CDH4: variants seen among roughly 807,000 people sequenced by gnomAD.
CDH4 encodes cadherin-4.
In CDH4, 33 loss-of-function variants were observed where a neutral mutation model predicts 86.0. The ratio of observed to expected loss-of-function variants is 0.38; its 90% CI spans 0.29 to 0.51. CDH4 has a LOEUF of 0.51. Ranked by LOEUF, CDH4 falls within the 20% of genes least tolerant of loss-of-function variation. The probability of loss-of-function intolerance (pLI) is 0.86; values close to 1 mark genes in which losing one functional copy is unlikely to be tolerated. For missense variants in CDH4, 1,114 were observed against 1,307.4 expected (o/e 0.85, Z 2.28); for synonymous variants, 555 against 549.4 (o/e 1.01, Z -0.14).
intron 8 of CDH4, among the ~76,000 whole-genome samples, chr20:61,904,726 T>G (rs1171802631): frequency 3.3e-5 from 5 of 152,214 alleles, no homozygotes; most frequent in Non-Finnish European, 7.3e-5. Context: ...TCCCTCCCAC[T>G]GCCTCCCACG....
intron 2 of CDH4, among the ~76,000 whole-genome samples, chr20:61,404,683 G>T (rs888957742): frequency 6.6e-6 from 1 of 151,690 alleles, no homozygotes; most frequent in Non-Finnish European, 1.5e-5. Context: ...GAAACATCCC[G>T]AGGCTTCAGG....
In CDH4 at chr20:61,495,622, G is replaced by A. The variant is rs528291219; in HGVS notation, c.169+240685G>A. 7.2e-5 allele frequency among the ~76,000 whole-genome samples: 11 copies of A among 152,302 alleles called. 1 individual carries two copies. The South Asian group carries it at 2.3e-3, about 32-fold the overall frequency. On this transcript the variant is annotated intron_variant, in intron 2 of 15. Transcript: ENST00000614565. ...AAGAAGGTAAGAGAGTCCTGGGCAG[G>A]CCGGGCACTGTGGCTCATGCCTATA...
rs60370683 is a variant in CDH4, at chr20:61,903,540, T to TAAAAAAAA, written c.1189-6870_1189-6863dup. 3.3e-3 allele frequency among the ~76,000 whole-genome samples: 302 copies of TAAAAAAAA among 90,816 alleles called. 15 individuals carry two copies. Among genetic ancestry groups the TAAAAAAAA allele is most frequent in the African/African-American group, 7.8e-3 (165 of 21,112 alleles). The allele number at this position is 90,816 out of a possible 152,430, so 59.6% of individuals were successfully genotyped here. On this transcript the variant is annotated intron_variant, in intron 8 of 15. Transcript: ENST00000614565. ...AGCGTGGGCAGCAGAAGAGACTCCA[T>TAAAAAAAA]AAAAAAAAAAAAAAAAAAAGTGTAA...
intron 2 of CDH4, among the ~76,000 whole-genome samples, chr20:61,322,176 C>G (rs1438695784): frequency 6.6e-6 from 1 of 152,202 alleles, no homozygotes; most frequent in African/African-American, 2.4e-5. Flanking sequence ...TTGGTGCCGT[C>G]TGTGTGCTTT....
intron 4 of CDH4, among the ~76,000 whole-genome samples, chr20:61,840,153 A>G (rs1982094954): frequency 6.6e-6 from 1 of 152,094 alleles, no homozygotes; most frequent in African/African-American, 2.4e-5. Context: ...TAATTCTGAG[A>G]GTGTCTGTGT....
At chr20:61,441,763 G>A (rs2085315936) in intron 2 of CDH4, among the ~76,000 whole-genome samples, 1 of 152,192 alleles carries the variant, frequency 6.6e-6, no homozygotes. Flanking sequence ...AAGCTCCAGA[G>A]CTGTGAGCAA....
rs914268915 is a variant in CDH4 at position 61,605,889 on chromosome 20, A to G, written c.170-137674A>G. ...AGTAGCGGTCAAGGCTGTGGAGGAA[A>G]AAAAAAAAAAAAAAAACAGGAAACC... On this transcript the variant is annotated intron_variant, in intron 2 of 15. Transcript: ENST00000614565. Among the ~76,000 whole-genome samples the G allele has an allele frequency of 2.6e-4, 19 of 72,818 alleles. No individual in the cohort carries two copies. The East Asian group carries it at 3.3e-3, about 13-fold the overall frequency. The allele number at this position is 72,818 out of a possible 152,430, so 47.8% of individuals were successfully genotyped here.
At chr20:61,366,124 G>T (rs1305408346) in intron 2 of CDH4, among the ~76,000 whole-genome samples, 1 of 152,218 alleles carries the variant, frequency 6.6e-6, no homozygotes, top group African/African-American at 2.4e-5. Context: ...TGTGGGAAGA[G>T]GTTGTCTCCA....
chr20:61,629,031 A>G (rs1434219363), intron 2 of CDH4, among the ~76,000 whole-genome samples: 1 of 152,236 alleles, frequency 6.6e-6, no homozygotes, highest in Non-Finnish European at 1.5e-5. Flanking sequence ...CAAGCTTCCC[A>G]GGCTCTCTCT....
intron 6 of CDH4, among the ~76,000 whole-genome samples, chr20:61,872,392 C>T (rs1264970181): frequency 2.0e-5 from 3 of 152,154 alleles, no homozygotes; most frequent in Non-Finnish European, 2.9e-5. Context: ...GAGGGAAGAA[C>T]GTTCCAGATG....
chr20:61,798,420 C>A (rs1336165947), intron 4 of CDH4, among the ~76,000 whole-genome samples: 1 of 152,264 alleles, frequency 6.6e-6, no homozygotes, highest in Non-Finnish European at 1.5e-5. Flanking sequence ...TCCTTTCCTG[C>A]TACCTCCGTG....
At chr20:61,686,779 G>T (rs1348848288) in intron 2 of CDH4, among the ~76,000 whole-genome samples, 1 of 152,226 alleles carries the variant, frequency 6.6e-6, no homozygotes, top group East Asian at 1.9e-4. Flanking sequence ...TCGCGCGTGT[G>T]TGTGTGCATG....
At chr20:61,711,027 G>C (rs1266080135) in intron 2 of CDH4, among the ~76,000 whole-genome samples, 1 of 152,170 alleles carries the variant, frequency 6.6e-6, no homozygotes, top group Non-Finnish European at 1.5e-5. Context: ...ATCTCATCTT[G>C]AATTATAATC....
intron 2 of CDH4, among the ~76,000 whole-genome samples, chr20:61,652,691 A>AG (rs1272850652): frequency 2.6e-5 from 4 of 152,070 alleles, no homozygotes; most frequent in African/African-American, 7.2e-5. Context: ...CATTGGCATT[A>AG]GAGAAAAGCC....
chr20:61,278,976 G>A (rs979179354), intron 2 of CDH4, among the ~76,000 whole-genome samples: 1 of 152,216 alleles, frequency 6.6e-6, no homozygotes, highest in Non-Finnish European at 1.5e-5. Context: ...AGCTGAAAGT[G>A]GATGCATCTG....
chr20:61,910,734 C>T lies in CDH4; in HGVS notation c.1374+127C>T, dbSNP rs1349240533. 6.9e-6 allele frequency: 6 copies of T among 867,126 alleles called. No individual in the cohort carries two copies. In the African/African-American group the frequency reaches 9.9e-5, roughly 14 times the overall value. The allele number at this position is 867,126 out of a possible 1,614,324, so 53.7% of individuals were successfully genotyped here. ...CCCCCCTAATATCCAAGGGTAGAGG[C>T]AGGTAACCCAACCTGCTGGAGGCAG... On this transcript the variant is annotated intron_variant, in intron 9 of 15. Coordinates refer to ENST00000614565, the MANE Select transcript of CDH4 (RefSeq NM_001794.5).
At chr20:61,496,994 T>C (rs2085667977) in intron 2 of CDH4, among the ~76,000 whole-genome samples, 1 of 149,854 alleles carries the variant, frequency 6.7e-6, no homozygotes, top group Non-Finnish European at 1.5e-5. Flanking sequence ...TTTTTCCTGG[T>C]GAAACATCTT....
At chr20:61,492,131 T>C (rs911643415) in intron 2 of CDH4, among the ~76,000 whole-genome samples, 1 of 151,628 alleles carries the variant, frequency 6.6e-6, no homozygotes, top group Non-Finnish European at 1.5e-5. Flanking sequence ...ATATTGTTAA[T>C]GTTGGTGGTG....
In CDH4 at chr20:61,582,065, T is replaced by C. The variant is rs2249795; in HGVS notation, c.170-161498T>C. Among the ~76,000 whole-genome samples the C allele has an allele frequency of 0.82, 125,181 of 152,190 alleles. 51,794 individuals are homozygous for C. The highest frequency in any genetic ancestry group is 0.91 in the African/African-American group (37,670 of 41,552). ...AGAGGGTGCTCCCAGCCCTCCAGCC[T>C]GGCTGCGGGTGATCCACTCCCTGTT... On this transcript the variant is annotated intron_variant, in intron 2 of 15. Coordinates refer to ENST00000614565, the MANE Select transcript of CDH4 (RefSeq NM_001794.5). The surrounding 1 kb of genome is among the most constrained non-coding windows in gnomAD (Gnocchi z 4.2).
Sources: gnomAD v4.1 joint callset for allele counts (sites outside exome capture counted in the v4.1 genomes callset) on GRCh38, gnomAD v4.1.1 for gene constraint, Gnocchi (gnomAD v3.1) non-coding constraint, MANE v1.5 for transcripts, NCBI Gene and HGNC (gene_info 2026-07-23, HGNC 2026-07-21) for gene names.